Variants in NTSR1 observed in about 807,000 individuals in gnomAD.
NTSR1 encodes neurotensin receptor 1, also known as neurotensin receptor type 1.
Under a neutral mutation model 31.2 loss-of-function variants are expected in NTSR1, and 29 were observed. The ratio of observed to expected loss-of-function variants is 0.93; its 90% confidence interval spans 0.69 to 1.27. The LOEUF (loss-of-function observed/expected upper bound fraction) is 1.27, where lower values mean the gene tolerates loss of function less well. NTSR1 is among the 50% of genes most tolerant of loss of function. The pLI is 0.00. For synonymous variants in NTSR1, 282 were observed against 269.9 expected, an observed-to-expected ratio of 1.04 and a Z score of -0.44; for missense variants, 697 against 595.4, an observed-to-expected ratio of 1.17 and a Z score of -1.78.
At position 62,711,884 on chromosome 20, in the gene NTSR1, C is replaced by G. The variant is rs192801201; in HGVS notation, c.714+1963C>G. On this transcript the variant is annotated intron_variant, in intron 1 of 3. Coordinates refer to ENST00000370501, the MANE Select transcript of NTSR1 (RefSeq NM_002531.3). The surrounding 1 kb of genome is among the most constrained non-coding windows in gnomAD (Gnocchi z 6.4). ...CACGCTACGGCCGGCCACAGGCACTCGTCCAATCGCAGAGGCCTGTGACGT... is the reference window on the plus strand; with the variant it reads ...CACGCTACGGCCGGCCACAGGCACTGGTCCAATCGCAGAGGCCTGTGACGT... Among the ~76,000 whole-genome samples, 195 of 152,340 alleles carry G rather than the reference C, an allele frequency of 1.3e-3. 3 individuals are homozygous for G. The highest frequency in any genetic ancestry group is 4.5e-3 in the African/African-American group (187 of 41,590).
chr20:62,751,485 A>G (rs1458008146), intron 1 of NTSR1, among the ~76,000 whole-genome samples: 1 of 152,242 alleles, frequency 6.6e-6, no homozygotes, highest in Non-Finnish European at 1.5e-5. Flanking sequence ...AGCACAAACA[A>G]TGTCATGGGG....
In NTSR1 at chr20:62,711,283, C is replaced by T. The variant is rs1420670127; in HGVS notation, c.714+1362C>T. On this transcript the variant is annotated intron_variant, in intron 1 of 3. Transcript: ENST00000370501. This position sits in a 1 kb window ranked among gnomAD's most constrained non-coding sequence, Gnocchi z 6.4. Reference sequence around the variant, plus strand: ...GTGAGTCAGGGCTGCTTTGCTTCTGCGGCGAGAGTCCCTCCCCTCACCAGA... The same window carrying T: ...GTGAGTCAGGGCTGCTTTGCTTCTGTGGCGAGAGTCCCTCCCCTCACCAGA... Among the ~76,000 whole-genome samples the T allele has an allele frequency of 4.6e-5, 7 of 152,176 alleles. No individual in the cohort carries two copies. Among genetic ancestry groups the T allele is most frequent in the African/African-American group, 9.7e-5 (4 of 41,444 alleles).
At chr20:62,719,867 T>G (rs942191113) in intron 1 of NTSR1, among the ~76,000 whole-genome samples, 3 of 152,264 alleles carry the variant, frequency 2.0e-5, no homozygotes, top group Admixed American at 6.5e-5. Context: ...TAACATGAGC[T>G]GGGAGGTTCT....
At chr20:62,727,256 G>A (rs1988924036) in intron 1 of NTSR1, among the ~76,000 whole-genome samples, 2 of 152,098 alleles carry the variant, frequency 1.3e-5, no homozygotes, top group Non-Finnish European at 2.9e-5. Context: ...CTGTCACCAC[G>A]TAGATGCGCT....
rs563682419 is a variant in NTSR1, at chr20:62,742,813, A to T, written c.715-11872A>T. 1.3e-5 allele frequency among the ~76,000 whole-genome samples: 2 copies of T among 148,990 alleles called. No homozygotes were observed. Among genetic ancestry groups the T allele is most frequent in the South Asian group, 4.2e-4 (2 of 4,726 alleles). On this transcript the variant is annotated intron_variant, in intron 1 of 3. Transcript: ENST00000370501. The surrounding 1 kb of genome is among the most constrained non-coding windows in gnomAD (Gnocchi z 7.1). Reference sequence around the variant, plus strand: ...ACCCCACCTCTGGCATGGGGAGCAGAGACCCACCAGGGTTCCCATCCCTCT... The same window carrying T: ...ACCCCACCTCTGGCATGGGGAGCAGTGACCCACCAGGGTTCCCATCCCTCT...
At chr20:62,727,233 C>T (rs577201076) in intron 1 of NTSR1, among the ~76,000 whole-genome samples, 85 of 152,238 alleles carry the variant, frequency 5.6e-4, no homozygotes, top group African/African-American at 1.9e-3. Flanking sequence ...GCAGGCTCCC[C>T]GGCCCCACAG....
chr20:62,753,662 GC>G (rs1373822929), intron 1 of NTSR1, among the ~76,000 whole-genome samples: 1 of 152,240 alleles, frequency 6.6e-6, no homozygotes, highest in Non-Finnish European at 1.5e-5. Flanking sequence ...CCAAGATCTG[GC>G]TTGCAGAGAA....
In NTSR1 at chr20:62,743,832, G is replaced by A. The variant is rs1410331936; in HGVS notation, c.715-10853G>A. Among the ~76,000 whole-genome samples the A allele has an allele frequency of 6.6e-6, 1 of 152,176 alleles. No individual in the cohort carries two copies. The highest frequency in any genetic ancestry group is 1.5e-5 in the Non-Finnish European group (1 of 68,032). On this transcript the variant is annotated intron_variant, in intron 1 of 3. Coordinates refer to ENST00000370501, the MANE Select transcript of NTSR1 (RefSeq NM_002531.3). The surrounding 1 kb of genome is among the most constrained non-coding windows in gnomAD (Gnocchi z 7.5). ...AGGTGAGAACGCCCTGCCTGAGGTC[G>A]AGGGGCTGAGGCCGGCTGTCTGGAG...
At chr20:62,718,950 G>C (rs1988782894) in intron 1 of NTSR1, among the ~76,000 whole-genome samples, 1 of 152,176 alleles carries the variant, frequency 6.6e-6, no homozygotes, top group African/African-American at 2.4e-5. Context: ...GCGATGCGCT[G>C]TTTTGAACGT....
Position 62,714,893 on chromosome 20 carries a change from CTTG to C in NTSR1, c.714+4977_714+4979del, listed in dbSNP as rs1474010077. Reference sequence around the variant, plus strand: ...CCTAGGTAGTGAATAGCTACAAATTCTTGTTGTCCAGAGCTGTTGTGGGTATGG... The same window carrying C: ...CCTAGGTAGTGAATAGCTACAAATTCTTGTCCAGAGCTGTTGTGGGTATGG... On this transcript the variant is annotated intron_variant, in intron 1 of 3. Transcript: ENST00000370501. This position sits in a 1 kb window ranked among gnomAD's most constrained non-coding sequence, Gnocchi z 4.1. Among the ~76,000 whole-genome samples, 2 of 152,178 alleles carry C rather than the reference CTTG, an allele frequency of 1.3e-5. No individual in the cohort carries two copies. Among genetic ancestry groups the C allele is most frequent in the Admixed American group, 1.3e-4 (2 of 15,282 alleles).
intron 1 of NTSR1, among the ~76,000 whole-genome samples, chr20:62,726,350 T>G (rs886807189): frequency 6.6e-6 from 1 of 152,186 alleles, no homozygotes; most frequent in African/African-American, 2.4e-5. Context: ...TATTTGTCCA[T>G]AAATAAAACC....
intron 1 of NTSR1, among the ~76,000 whole-genome samples, chr20:62,753,663 C>T (rs747393614): frequency 4.6e-5 from 7 of 152,230 alleles, no homozygotes; most frequent in Admixed American, 4.6e-4. Context: ...CAAGATCTGG[C>T]TTGCAGAGAA....
intron 1 of NTSR1, among the ~76,000 whole-genome samples, chr20:62,720,164 G>A (rs1029572638): frequency 3.3e-5 from 5 of 152,142 alleles, no homozygotes; most frequent in African/African-American, 1.2e-4. Context: ...GCCAGGTGTG[G>A]TGGTGGGCAC....
intron 1 of NTSR1, among the ~76,000 whole-genome samples, chr20:62,718,101 G>T (rs1988765572): frequency 6.6e-6 from 1 of 152,220 alleles, no homozygotes; most frequent in African/African-American, 2.4e-5. Context: ...TGGCGGGGTG[G>T]CCGGAGCGGA....
chr20:62,726,670 G>A (rs1988911496), intron 1 of NTSR1, among the ~76,000 whole-genome samples: 1 of 148,204 alleles, frequency 6.7e-6, no homozygotes, highest in Admixed American at 6.8e-5. Context: ...ACTCCAGCCT[G>A]GACGGCAGAG....
Position 62,709,730 on chromosome 20 carries a change from A to G in NTSR1, c.523A>G (p.Lys175Glu). 2 of 1,612,922 alleles carry G rather than the reference A, an allele frequency of 1.2e-6. No homozygotes were observed. The highest frequency in any genetic ancestry group is 2.2e-5 in the South Asian group (2 of 91,074). ...ERYLAICHPF[K>E]AKTLMSRSRT... ...CTACCTGGCCATCTGCCACCCCTTC[A>G]AGGCCAAGACCCTCATGTCCCGAAG... is the stretch of plus-strand genomic sequence containing the variant. The change falls in exon 1 of 4, where the codon AAG (lysine) becomes GAG (glutamate). Residue 175 changes from lysine (K) to glutamate (E), a missense_variant. Physicochemically the swap from Lys to Glu is moderately conservative, Grantham distance 56. Coordinates refer to ENST00000370501, the MANE Select transcript of NTSR1 (RefSeq NM_002531.3).
In NTSR1 at chr20:62,732,922, AGG is replaced by A. The variant is rs1015491448; in HGVS notation, c.715-21759_715-21758del. The A allele has an allele frequency of 6.6e-6, 1 of 151,696 alleles. No individual in the cohort carries two copies. Among genetic ancestry groups the A allele is most frequent in the Non-Finnish European group, 1.5e-5 (1 of 67,978 alleles). The allele number at this position is 151,696 out of a possible 1,614,324, so 9.4% of individuals were successfully genotyped here. On this transcript the variant is annotated intron_variant, in intron 1 of 3. Coordinates refer to ENST00000370501, the MANE Select transcript of NTSR1 (RefSeq NM_002531.3). This position sits in a 1 kb window ranked among gnomAD's most constrained non-coding sequence, Gnocchi z 4.0. ...GGGCCTGGAGGACCACAGCGGGCACAGGGGGCGGCTCAGGCTGAGAACCAACG... is the reference window on the plus strand; with the variant it reads ...GGGCCTGGAGGACCACAGCGGGCACAGGGCGGCTCAGGCTGAGAACCAACG...
At chr20:62,730,090 C>T (rs1037802154) in intron 1 of NTSR1, among the ~76,000 whole-genome samples, 11 of 152,008 alleles carry the variant, frequency 7.2e-5, no homozygotes, top group Non-Finnish European at 1.5e-4. Flanking sequence ...AATTAATGAG[C>T]CAATATTGAT....
At chr20:62,729,717 A>G (rs1038912415) in intron 1 of NTSR1, among the ~76,000 whole-genome samples, 32 of 148,948 alleles carry the variant, frequency 2.1e-4, no homozygotes, top group Admixed American at 4.7e-4. Flanking sequence ...CACCTCCCAG[A>G]TTCAAGTGAT....
Sources: allele counts gnomAD v4.1 joint callset (sites outside exome capture counted in the v4.1 genomes callset), GRCh38; gene constraint gnomAD v4.1.1; non-coding constraint Gnocchi (gnomAD v3.1); transcripts MANE v1.5; gene names NCBI Gene and HGNC (gene_info 2026-07-23, HGNC 2026-07-21).